CHRM3: variants seen among roughly 807,000 people sequenced by gnomAD.
CHRM3 encodes cholinergic receptor muscarinic 3.
CHRM3 carries 11 observed loss-of-function variants against 41.8 expected under a neutral mutation model. The ratio of observed to expected loss-of-function variants is 0.26; its 90% CI spans 0.17 to 0.44. CHRM3 has a LOEUF of 0.44. Ranked by LOEUF, CHRM3 falls within the 20% of genes least tolerant of loss-of-function variation. The probability of loss-of-function intolerance (pLI) is 1.00; values close to 1 mark genes in which losing one functional copy is unlikely to be tolerated. For missense variants in CHRM3, 571 were observed against 745.4 expected (o/e 0.77, Z 2.72); for synonymous variants, 297 against 301.4 (o/e 0.99, Z 0.15).
chr1:239,839,425 T>G (rs1673596562), intron 6 of CHRM3, among the ~76,000 whole-genome samples: 2 of 152,210 alleles, frequency 1.3e-5, no homozygotes, highest in Non-Finnish European at 2.9e-5. Context: ...GCTTTTGGAA[T>G]GCACTATGGG....
intron 6 of CHRM3, among the ~76,000 whole-genome samples, chr1:239,856,634 A>G (rs1052506120): frequency 6.6e-6 from 1 of 152,096 alleles, no homozygotes; most frequent in African/African-American, 2.4e-5. Context: ...ACTAATACAG[A>G]TGGTATGAGA....
At chr1:239,536,645 G>A (rs948005346) in intron 2 of CHRM3, among the ~76,000 whole-genome samples, 2 of 152,156 alleles carry the variant, frequency 1.3e-5, no homozygotes, top group African/African-American at 4.8e-5. Flanking sequence ...GACTAGTGAA[G>A]ATAGCCATCT....
chr1:239,524,539 A>C (rs1288119482), intron 2 of CHRM3, among the ~76,000 whole-genome samples: 1 of 152,156 alleles, frequency 6.6e-6, no homozygotes, highest in Non-Finnish European at 1.5e-5. Context: ...TAATTAAGAA[A>C]ATTGGTATTG....
intron 1 of CHRM3, chr1:239,408,155 GT>G (rs35060125): frequency 1.3e-5 from 2 of 152,082 alleles, no homozygotes; most frequent in Non-Finnish European, 2.9e-5. Context: ...AGATCTGATG[GT>G]TTTTTAAGCG....
At chr1:239,515,639 A>T (rs905262778) in intron 2 of CHRM3, among the ~76,000 whole-genome samples, 15 of 152,320 alleles carry the variant, frequency 9.8e-5, no homozygotes, top group Admixed American at 7.2e-4. Flanking sequence ...AATTATTGTG[A>T]GAAATGAGAA....
chr1:239,532,009 CTTTTTT>C (rs34798101), intron 2 of CHRM3, among the ~76,000 whole-genome samples: 3 of 76,292 alleles, frequency 3.9e-5, no homozygotes, highest in Non-Finnish European at 7.0e-5. Context: ...TTCCTTCTTT[CTTTTTT>C]TTTTTTTTTT....
chr1:239,435,373 C>T (rs1054886006), intron 1 of CHRM3, among the ~76,000 whole-genome samples: 4 of 151,314 alleles, frequency 2.6e-5, no homozygotes, highest in Non-Finnish European at 5.9e-5. Context: ...GGCGTGAACC[C>T]GGGAGGCAGA....
chr1:239,424,943 T>C (rs1662252671), intron 1 of CHRM3, among the ~76,000 whole-genome samples: 1 of 152,166 alleles, frequency 6.6e-6, no homozygotes, highest in Admixed American at 6.6e-5. Flanking sequence ...CCCATTGGCA[T>C]TTTGCAAAGC....
intron 6 of CHRM3, among the ~76,000 whole-genome samples, chr1:239,831,850 T>C (rs1672919410): frequency 6.6e-6 from 1 of 152,202 alleles, no homozygotes; most frequent in South Asian, 2.1e-4. Flanking sequence ...TCTGAGTGTT[T>C]TATCAGGAAT....
At chr1:239,673,479 A>G (rs552461658) in intron 4 of CHRM3, among the ~76,000 whole-genome samples, 2 of 152,276 alleles carry the variant, frequency 1.3e-5, no homozygotes, top group Admixed American at 6.5e-5. Flanking sequence ...ATAATATTGT[A>G]TATGCTGGAA....
At chr1:239,402,528 C>G (rs1420319479) in intron 1 of CHRM3, among the ~76,000 whole-genome samples, 1 of 152,152 alleles carries the variant, frequency 6.6e-6, no homozygotes. Flanking sequence ...TCCCTTTCCC[C>G]GCTCTGTCAT....
chr1:239,858,215 A>G (rs1404324209), intron 6 of CHRM3, among the ~76,000 whole-genome samples: 2 of 152,188 alleles, frequency 1.3e-5, no homozygotes, highest in Non-Finnish European at 2.9e-5. Flanking sequence ...CGATTTCACA[A>G]TATTGCAGAA....
At chr1:239,603,191 A>G (rs1665823491) in intron 3 of CHRM3, among the ~76,000 whole-genome samples, 1 of 152,206 alleles carries the variant, frequency 6.6e-6, no homozygotes, top group Admixed American at 6.5e-5. Flanking sequence ...TCAGTTCCTT[A>G]TCACAATAGG....
intron 2 of CHRM3, among the ~76,000 whole-genome samples, chr1:239,542,027 T>C (rs1572654513): frequency 2.0e-5 from 3 of 152,132 alleles, no homozygotes; most frequent in African/African-American, 4.8e-5. Context: ...ATAGGCAGAG[T>C]AGGCCGGTAG....
At chr1:239,839,639 A>G (rs1001606746) in intron 6 of CHRM3, among the ~76,000 whole-genome samples, 1 of 152,186 alleles carries the variant, frequency 6.6e-6, no homozygotes, top group Non-Finnish European at 1.5e-5. Context: ...AGTACCATTT[A>G]TCTTCCTCGT....
intron 2 of CHRM3, among the ~76,000 whole-genome samples, chr1:239,506,631 C>A (rs984990321): frequency 1.3e-5 from 2 of 152,182 alleles, no homozygotes; most frequent in Non-Finnish European, 2.9e-5. Flanking sequence ...TCAGAGCCCC[C>A]ACACAGAGTC....
At chr1:239,506,613 A>C (rs1668588529) in intron 2 of CHRM3, among the ~76,000 whole-genome samples, 1 of 152,170 alleles carries the variant, frequency 6.6e-6, no homozygotes, top group African/African-American at 2.4e-5. Flanking sequence ...CAGAAGTGAA[A>C]TATGGGGTCA....
At chr1:239,842,608 A>G (rs1673909287) in intron 6 of CHRM3, among the ~76,000 whole-genome samples, 3 of 152,128 alleles carry the variant, frequency 2.0e-5, no homozygotes, top group Admixed American at 2.0e-4. Context: ...TAAACACATT[A>G]GAAGAGAACC....
At chr1:239,431,400 A>G (rs1484983122) in intron 1 of CHRM3, among the ~76,000 whole-genome samples, 8 of 152,232 alleles carry the variant, frequency 5.3e-5, no homozygotes, top group African/African-American at 1.9e-4. Flanking sequence ...ATATAACTAC[A>G]CAAGGCAAAT....
Sources: allele counts gnomAD v4.1 joint callset (sites outside exome capture counted in the v4.1 genomes callset), GRCh38; gene constraint gnomAD v4.1.1; transcripts MANE v1.5; gene names NCBI Gene and HGNC (gene_info 2026-07-23, HGNC 2026-07-21).